Variants in CLVS1 observed in about 807,000 individuals in gnomAD.
CLVS1 encodes the protein clavesin-1.
Under a neutral mutation model 33.1 loss-of-function variants are expected in CLVS1, and 10 were observed. The ratio of observed to expected loss-of-function variants is 0.30; its 90% CI spans 0.19 to 0.51. CLVS1 has a LOEUF of 0.51. CLVS1 is among the 20% of genes least tolerant of loss of function. The probability of loss-of-function intolerance (pLI) is 0.97; values close to 1 mark genes in which losing one functional copy is unlikely to be tolerated. For missense variants in CLVS1, 343 were observed against 433.4 expected (o/e 0.79, Z 1.85); for synonymous variants, 163 against 166.1 (o/e 0.98, Z 0.14).
the CLVS1 span, among the ~76,000 whole-genome samples, chr8:61,038,879 G>A: frequency 6.6e-6 from 1 of 152,190 alleles, no homozygotes; most frequent in Non-Finnish European, 1.5e-5. Flanking sequence ...TCTGAGATAG[G>A]ATGAACCTAT....
chr8:61,264,798 G>C (rs1809273788), intron 2 of CLVS1: 1 of 152,202 alleles, frequency 6.6e-6, no homozygotes, highest in African/African-American at 2.4e-5. Flanking sequence ...CATACCAGCA[G>C]AGCTGAAGTT....
intron 2 of CLVS1, among the ~76,000 whole-genome samples, chr8:61,247,438 T>C (rs1808838863): frequency 2.6e-5 from 4 of 152,350 alleles, no homozygotes; most frequent in Admixed American, 2.6e-4. Flanking sequence ...GGTTCCATTT[T>C]CTCTGTAACC....
chr8:60,970,233 A>G, the CLVS1 span, among the ~76,000 whole-genome samples: 2 of 152,176 alleles, frequency 1.3e-5, no homozygotes, highest in Admixed American at 6.5e-5. Flanking sequence ...TTCTCTTGAG[A>G]TGCGGATTCA....
At position 61,480,869 on chromosome 8, in the gene CLVS1, G is replaced by A. The variant is rs149156415; in HGVS notation, c.978-18586G>A. 9.2e-5 allele frequency among the ~76,000 whole-genome samples: 14 copies of A among 152,232 alleles called. No homozygotes were observed. In the South Asian group the frequency reaches 2.7e-3, roughly 29 times the overall value. ...GCTGTTTTAAGTGTTGGTAGGAGGG[G>A]TAATAATGAGTTTACAGTGACCTCT... On this transcript the variant is annotated intron_variant, in intron 5 of 5. Transcript: ENST00000325897.
chr8:60,981,746 G>A, the CLVS1 span, among the ~76,000 whole-genome samples: 1 of 152,228 alleles, frequency 6.6e-6, no homozygotes, highest in Non-Finnish European at 1.5e-5. Context: ...ACAGCAGCTT[G>A]AGCGGCCAGG....
chr8:61,388,512 A>G (rs1814174478), intron 3 of CLVS1, among the ~76,000 whole-genome samples: 1 of 152,038 alleles, frequency 6.6e-6, no homozygotes, highest in Admixed American at 6.5e-5. Flanking sequence ...TCTTTGTGGA[A>G]CTTAATTATA....
chr8:61,069,210 C>T (rs1434098386), intron 1 of CLVS1, among the ~76,000 whole-genome samples: 2 of 152,200 alleles, frequency 1.3e-5, no homozygotes, highest in Non-Finnish European at 2.9e-5. Context: ...TCAAGTGATC[C>T]ACCTGCCTCA....
At chr8:61,113,536 C>T (rs186724262) in intron 1 of CLVS1, among the ~76,000 whole-genome samples, 7 of 152,310 alleles carry the variant, frequency 4.6e-5, no homozygotes, top group African/African-American at 1.2e-4. Context: ...CTTCTTGTTG[C>T]ATTATCCAGG....
At chr8:61,124,239 C>T (rs753345029) in intron 1 of CLVS1, among the ~76,000 whole-genome samples, 5 of 152,040 alleles carry the variant, frequency 3.3e-5, no homozygotes, top group Admixed American at 6.6e-5. Flanking sequence ...AACCACGAGT[C>T]GAATTAAAGC....
chr8:61,328,509 T>C (rs1235023272), intron 2 of CLVS1, among the ~76,000 whole-genome samples: 2 of 152,000 alleles, frequency 1.3e-5, no homozygotes, highest in African/African-American at 2.4e-5. Context: ...GCTGTCCCCT[T>C]TCACCTTGCC....
chr8:61,032,308 T>G, the CLVS1 span, among the ~76,000 whole-genome samples: 1 of 152,192 alleles, frequency 6.6e-6, no homozygotes, highest in Non-Finnish European at 1.5e-5. Context: ...CCCTGTGGTC[T>G]TCATGATTGG....
chr8:61,069,507 T>G (rs981713015), intron 1 of CLVS1, among the ~76,000 whole-genome samples: 11 of 152,188 alleles, frequency 7.2e-5, no homozygotes, highest in Non-Finnish European at 1.6e-4. Context: ...CTTTCTTTGG[T>G]GCATCTTATA....
At chr8:61,288,796 C>T (rs1809871568) in intron 1 of CLVS1, among the ~76,000 whole-genome samples, 1 of 152,216 alleles carries the variant, frequency 6.6e-6, no homozygotes, top group South Asian at 2.1e-4. Context: ...ACCGATGACT[C>T]ATATTCACCC....
At chr8:61,050,061 T>A in the CLVS1 span, among the ~76,000 whole-genome samples, 1 of 152,256 alleles carries the variant, frequency 6.6e-6, no homozygotes, top group Non-Finnish European at 1.5e-5. Context: ...TTACAGCAGG[T>A]GCTGTTAGCT....
intron 2 of CLVS1, among the ~76,000 whole-genome samples, chr8:61,276,898 G>C (rs1205552400): frequency 2.0e-5 from 3 of 152,222 alleles, no homozygotes; most frequent in Admixed American, 2.0e-4. Flanking sequence ...TCAGTCCAAT[G>C]TCCCAAATAG....
intron 2 of CLVS1, among the ~76,000 whole-genome samples, chr8:61,248,147 C>T (rs187526142): frequency 6.6e-6 from 1 of 152,060 alleles, no homozygotes; most frequent in East Asian, 1.9e-4. Context: ...GGTTTATGTG[C>T]CTGTTTTGGT....
chr8:61,186,368 C>T (rs1273502457), intron 2 of CLVS1, among the ~76,000 whole-genome samples: 1 of 152,172 alleles, frequency 6.6e-6, no homozygotes, highest in Admixed American at 6.5e-5. Flanking sequence ...TGCAGCCCCC[C>T]TCAAGAGAAG....
At chr8:61,473,064 A>G (rs917635706) in intron 5 of CLVS1, among the ~76,000 whole-genome samples, 2 of 152,148 alleles carry the variant, frequency 1.3e-5, no homozygotes, top group Non-Finnish European at 2.9e-5. Flanking sequence ...ACAGGTGTGT[A>G]ACGAGGAGGA....
intron 3 of CLVS1, among the ~76,000 whole-genome samples, chr8:61,382,945 T>C (rs897128753): frequency 1.3e-5 from 2 of 152,146 alleles, no homozygotes; most frequent in Admixed American, 1.3e-4. Flanking sequence ...GAAAATCAAA[T>C]AGTACATGCA....
Sources: allele counts gnomAD v4.1 joint callset (sites outside exome capture counted in the v4.1 genomes callset), GRCh38; gene constraint gnomAD v4.1.1; transcripts MANE v1.5; gene names NCBI Gene and HGNC (gene_info 2026-07-23, HGNC 2026-07-21).